The following DSCAML1 variants were observed in gnomAD, a reference collection of about 807,000 sequenced individuals.
DSCAML1 encodes DS cell adhesion molecule like 1.
Under a neutral mutation model 200.5 loss-of-function variants are expected in DSCAML1, and 38 were observed. The observed-to-expected ratio is 0.19, with a 90% confidence interval of 0.15 to 0.25. The LOEUF (loss-of-function observed/expected upper bound fraction) is 0.25, where lower values mean the gene tolerates loss of function less well. Among genes scored for constraint, DSCAML1 ranks in the 10% least tolerant of loss-of-function variants. DSCAML1 has a pLI of 1.00. For synonymous variants in DSCAML1, 1,215 were observed against 1,165.0 expected (o/e 1.04, Z -0.87); for missense variants, 2,223 against 2,858.8 (o/e 0.78, Z 5.07).
chr11:117,546,027 C>G (rs377270979), intron 3 of DSCAML1, among the ~76,000 whole-genome samples: 1 of 152,236 alleles, frequency 6.6e-6, no homozygotes, highest in South Asian at 2.1e-4. Flanking sequence ...CGAACTTGTG[C>G]GAGGCACGCA....
In DSCAML1 at chr11:117,503,302, G is replaced by C. The variant is rs2049432556; in HGVS notation, c.2359+543C>G. ...CACAACAATTTTGTGAGATCAGTGG[G>C]CTGGGAAGGGAACCCTCGTACAGGT... On this transcript the variant is annotated intron_variant, in intron 11 of 32. Coordinates refer to ENST00000651296, the MANE Select transcript of DSCAML1 (RefSeq NM_020693.4). The surrounding 1 kb of genome is among the most constrained non-coding windows in gnomAD (Gnocchi z 5.2). Among the ~76,000 whole-genome samples the C allele has an allele frequency of 6.6e-6, 1 of 152,130 alleles. No homozygotes were observed. Among genetic ancestry groups the C allele is most frequent in the East Asian group, 1.9e-4 (1 of 5,192 alleles).
chr11:117,705,101 T>A lies in DSCAML1; in HGVS notation c.511+71690A>T, dbSNP rs375732537. ...GCAGATAAGCCCCTACAATGCAGAA[T>A]CTAAAAATAGTGTGTGCATTTGCCT... On this transcript the variant is annotated intron_variant, in intron 3 of 32. Coordinates refer to ENST00000651296, the MANE Select transcript of DSCAML1 (RefSeq NM_020693.4). Among the ~76,000 whole-genome samples, 3 of 152,212 alleles carry A rather than the reference T, an allele frequency of 2.0e-5. No homozygotes were observed. The South Asian group carries it at 6.2e-4, about 31-fold the overall frequency.
rs895083506 is a variant in DSCAML1 at position 117,521,673 on chromosome 11, CT to C, written c.938-269del. Among the ~76,000 whole-genome samples, 6 of 152,240 alleles carry C rather than the reference CT, an allele frequency of 3.9e-5. 1 individual carries two copies. The highest frequency in any genetic ancestry group is 3.9e-4 in the Admixed American group (6 of 15,294). On this transcript the variant is annotated intron_variant, in intron 5 of 32. Transcript: ENST00000651296. ...GCTCCCCTAAAACGTGTCCCTGTGCCTGGTGAGAGTGTGAGGCTCCCTCTGG... is the reference window on the plus strand; with the variant it reads ...GCTCCCCTAAAACGTGTCCCTGTGCCGGTGAGAGTGTGAGGCTCCCTCTGG...
intron 8 of DSCAML1, among the ~76,000 whole-genome samples, chr11:117,513,101 T>C (rs12419495): frequency 0.046 from 7,015 of 152,158 alleles, 224 homozygotes; most frequent in East Asian, 0.12. Context: ...TGTTTTAATA[T>C]GTGATGTTTA....
intron 24 of DSCAML1, 117 bp downstream of exon 24, chr11:117,438,768 G>T: frequency 3.2e-6 from 3 of 948,232 alleles, no homozygotes; most frequent in Non-Finnish European, 4.4e-6. Flanking sequence ...GGGTCACTTG[G>T]CCCCCAGATC....
At chr11:117,676,930 G>A (rs1480659922) in intron 3 of DSCAML1, among the ~76,000 whole-genome samples, 3 of 152,230 alleles carry the variant, frequency 2.0e-5, no homozygotes, top group Non-Finnish European at 2.9e-5. Flanking sequence ...CTAAGTGAAG[G>A]AGGGTCCCAC....
Position 117,521,147 on chromosome 11 carries a change from G to A in DSCAML1, c.1196C>T (p.Ala399Val), listed in dbSNP as rs750587583. Residue 399 changes from alanine (A) to valine (V), a missense_variant, in exon 6 of 33, where the codon GCC becomes GTC. By Grantham distance (64) the Ala-to-Val change is moderately conservative. Transcript: ENST00000651296. ...CAGCTCACCCTCAAGTGCAATGATG[G>A]CAAAGTCCTGGGCGGTCTGGGCCTT... ...TRKAQTAQDF[A>V]IIALEDGTPR... The A allele has an allele frequency of 6.8e-6, 11 of 1,612,886 alleles. No homozygotes were observed. The highest frequency in any genetic ancestry group is 9.3e-6 in the Non-Finnish European group (11 of 1,179,002).
intron 3 of DSCAML1, among the ~76,000 whole-genome samples, chr11:117,747,056 C>A (rs2054529875): frequency 1.3e-5 from 2 of 152,114 alleles, no homozygotes. Flanking sequence ...CAAGAGCTTG[C>A]CATCTAACTG....
At chr11:117,786,546 G>A (rs369721181) in intron 1 of DSCAML1, among the ~76,000 whole-genome samples, 6 of 152,200 alleles carry the variant, frequency 3.9e-5, no homozygotes, top group African/African-American at 1.4e-4. Context: ...AAGGGAACTC[G>A]AGCCCCGTGT....
intron 3 of DSCAML1, among the ~76,000 whole-genome samples, chr11:117,583,090 G>A (rs572135628): frequency 2.0e-5 from 3 of 151,736 alleles, no homozygotes; most frequent in South Asian, 4.2e-4. Context: ...TTTATGCAAG[G>A]TCACCCAGTA....
chr11:117,617,877 C>T (rs1219827820), intron 3 of DSCAML1, among the ~76,000 whole-genome samples: 2 of 152,106 alleles, frequency 1.3e-5, no homozygotes, highest in East Asian at 1.9e-4. Flanking sequence ...GAGGAGGGGT[C>T]GGCAGGGCCA....
chr11:117,794,115 C>T (rs2055529489), intron 1 of DSCAML1, among the ~76,000 whole-genome samples: 1 of 146,278 alleles, frequency 6.8e-6, no homozygotes, highest in African/African-American at 2.5e-5. Flanking sequence ...TTAATTTGGT[C>T]TTCCCAAGAG....
intron 32 of DSCAML1, 110 bp downstream of exon 32, chr11:117,430,612 A>G (rs1049426091): frequency 6.8e-6 from 9 of 1,332,038 alleles, no homozygotes; most frequent in Admixed American, 2.4e-5. Flanking sequence ...CAAGGAGCCA[A>G]GCTGGGCTGG....
intron 3 of DSCAML1, among the ~76,000 whole-genome samples, chr11:117,674,638 T>C (rs779410819): frequency 4.6e-5 from 7 of 152,254 alleles, no homozygotes; most frequent in South Asian, 2.1e-4. Context: ...CAATCTTCCA[T>C]GAGGCACCCG....
In DSCAML1 at chr11:117,444,048, CA is replaced by C. The variant is rs1386394934; in HGVS notation, c.3709-10del. ...TCGTACTCGCTGGGAGCCTGCGGGG[CA>C]GAGGCAAAGAGGCTCTAAGAAGCAG... On this transcript the variant is annotated splice_polypyrimidine_tract_variant and intron_variant, in intron 20 of 32. Coordinates refer to ENST00000651296, the MANE Select transcript of DSCAML1 (RefSeq NM_020693.4). 1 of 1,607,672 alleles carries C rather than the reference CA, an allele frequency of 6.2e-7. No homozygotes were observed. Among genetic ancestry groups the C allele is most frequent in the Non-Finnish European group, 8.5e-7 (1 of 1,176,290 alleles).
chr11:117,487,993 G>C (rs2049110430), intron 11 of DSCAML1, among the ~76,000 whole-genome samples: 1 of 152,186 alleles, frequency 6.6e-6, no homozygotes, highest in South Asian at 2.1e-4. Context: ...TCTCAGGAGA[G>C]GGAAAGACGG....
chr11:117,519,837 A>G (rs936342659), intron 6 of DSCAML1, among the ~76,000 whole-genome samples: 15 of 152,200 alleles, frequency 9.9e-5, no homozygotes, highest in African/African-American at 3.1e-4. Flanking sequence ...AACAGAAACA[A>G]GAAACAAAAA....
chr11:117,551,773 G>T (rs2050471076), intron 3 of DSCAML1, among the ~76,000 whole-genome samples: 1 of 146,290 alleles, frequency 6.8e-6, no homozygotes, highest in South Asian at 2.6e-4. Flanking sequence ...TACCCACAGG[G>T]CCTTGGTGGC....
chr11:117,535,882 G>A (rs1482120292), intron 3 of DSCAML1, among the ~76,000 whole-genome samples: 3 of 120,478 alleles, frequency 2.5e-5, no homozygotes, highest in Non-Finnish European at 4.9e-5. Context: ...TTGGCCCTAC[G>A]AGGATTTTAA....
Sources: allele counts gnomAD v4.1 joint callset (sites outside exome capture counted in the v4.1 genomes callset), GRCh38; gene constraint gnomAD v4.1.1; non-coding constraint Gnocchi (gnomAD v3.1); transcripts MANE v1.5; gene names NCBI Gene and HGNC (gene_info 2026-07-23, HGNC 2026-07-21).